The following DOCK3 variants were observed in gnomAD, a reference collection of about 807,000 sequenced individuals.
DOCK3 encodes the protein dedicator of cytokinesis 3.
DOCK3 carries 60 observed loss-of-function variants against 265.6 expected under a neutral mutation model. The ratio of observed to expected loss-of-function variants is 0.23; its 90% CI spans 0.18 to 0.28. The LOEUF is 0.28. Among genes scored for constraint, DOCK3 ranks in the 10% least tolerant of loss-of-function variants. The pLI, the probability that DOCK3 is intolerant of heterozygous loss-of-function variation, is 1.00. For missense variants in DOCK3, 1,981 were observed against 2,594.3 expected, an observed-to-expected ratio of 0.76 and a Z score of 5.14; for synonymous variants, 881 against 938.0, an observed-to-expected ratio of 0.94 and a Z score of 1.11.
chr3:50,741,715 A>C (rs1356499028), intron 1 of DOCK3, among the ~76,000 whole-genome samples: 2 of 151,568 alleles, frequency 1.3e-5, no homozygotes, highest in Non-Finnish European at 2.9e-5. Flanking sequence ...TGCTATTGTG[A>C]ATAGTGCCGC....
chr3:50,676,976 A>C (rs1413227894), intron 1 of DOCK3, among the ~76,000 whole-genome samples: 1 of 152,246 alleles, frequency 6.6e-6, no homozygotes, highest in East Asian at 1.9e-4. Flanking sequence ...GAGCCAGTGC[A>C]AGGTAATCAA....
intron 41 of DOCK3, 97 bp from the exon 42 acceptor site, chr3:51,355,992 G>T: frequency 6.7e-7 from 1 of 1,498,832 alleles, no homozygotes; most frequent in South Asian, 1.2e-5. Flanking sequence ...AAGGAGCAGG[G>T]ACTATGGTGC....
Position 51,357,759 on chromosome 3 carries a change from CCTT to C in DOCK3, c.4689_4691del (p.Phe1564del). On this transcript the variant is annotated inframe_deletion and splice_region_variant, in exon 45 of 53. Coordinates refer to ENST00000266037, the MANE Select transcript of DOCK3 (RefSeq NM_004947.5). ...CTGACTTGGCCTTTCCTTTCACAGG[CCTT>C]CTTTGATAAAGATTACATCAACAAG... 1 of 1,614,002 alleles carries C rather than the reference CCTT, an allele frequency of 6.2e-7. No individual in the cohort carries two copies. The highest frequency in any genetic ancestry group is 8.5e-7 in the Non-Finnish European group (1 of 1,179,882).
intron 14 of DOCK3, among the ~76,000 whole-genome samples, chr3:51,223,599 C>T (rs1051081954): frequency 4.6e-5 from 7 of 151,940 alleles, no homozygotes; most frequent in Non-Finnish European, 1.0e-4. Context: ...CTATATCAGT[C>T]TACAAATTTA....
intron 46 of DOCK3, among the ~76,000 whole-genome samples, chr3:51,360,196 C>T (rs911478712): frequency 1.3e-5 from 2 of 152,156 alleles, no homozygotes; most frequent in African/African-American, 4.8e-5. Flanking sequence ...CTACTTATTC[C>T]GTAGCGAGAA....
intron 2 of DOCK3, among the ~76,000 whole-genome samples, chr3:50,828,842 T>C (rs1022096747): frequency 6.6e-6 from 1 of 152,122 alleles, no homozygotes; most frequent in Non-Finnish European, 1.5e-5. Context: ...GCCTCCTGAG[T>C]AGGTGGGATT....
chr3:50,948,605 TTTCTTTTC>T (rs1343721030), intron 5 of DOCK3, among the ~76,000 whole-genome samples: 3 of 151,776 alleles, frequency 2.0e-5, no homozygotes, highest in African/African-American at 7.3e-5. Flanking sequence ...TTCTTTCTCT[TTTCTTTTC>T]TTTTCCTTTT....
Position 50,675,480 on chromosome 3 carries a change from G to A in DOCK3, c.37+180G>A, listed in dbSNP as rs1350540616. 3.3e-5 allele frequency among the ~76,000 whole-genome samples: 5 copies of A among 151,806 alleles called. No homozygotes were observed. The highest frequency in any genetic ancestry group is 4.4e-5 in the Non-Finnish European group (3 of 67,888). On this transcript the variant is annotated intron_variant, in intron 1 of 52. Transcript: ENST00000266037. This position sits in a 1 kb window ranked among gnomAD's most constrained non-coding sequence, Gnocchi z 6.1. Reference sequence around the variant, plus strand: ...CGGGTGCGGGTGCGGGGGTGGGCGCGGGTCTCTGTGCAGAGAGGGCGGCAG... The same window carrying A: ...CGGGTGCGGGTGCGGGGGTGGGCGCAGGTCTCTGTGCAGAGAGGGCGGCAG...
intron 5 of DOCK3, among the ~76,000 whole-genome samples, chr3:51,055,708 G>A (rs1575908310): frequency 1.3e-5 from 2 of 152,276 alleles, no homozygotes; most frequent in South Asian, 2.1e-4. Context: ...CTATCCATCC[G>A]TGAATGGATG....
intron 5 of DOCK3, among the ~76,000 whole-genome samples, chr3:51,001,909 T>C (rs904202219): frequency 1.3e-5 from 2 of 151,854 alleles, no homozygotes; most frequent in Non-Finnish European, 2.9e-5. Flanking sequence ...CATCTTTTCA[T>C]GACTCATTTT....
chr3:50,996,278 C>T (rs1263864974), intron 5 of DOCK3, among the ~76,000 whole-genome samples: 1 of 149,258 alleles, frequency 6.7e-6, no homozygotes, highest in Non-Finnish European at 1.5e-5. Flanking sequence ...AGTGCAGTGG[C>T]GCTATCTCGG....
intron 7 of DOCK3, among the ~76,000 whole-genome samples, chr3:51,078,981 A>G (rs974498240): frequency 8.5e-5 from 13 of 152,210 alleles, no homozygotes; most frequent in South Asian, 2.1e-4. Flanking sequence ...ATAAGAGTCC[A>G]CACATTTATT....
At chr3:51,201,489 G>T (rs1327636413) in intron 12 of DOCK3, among the ~76,000 whole-genome samples, 1 of 152,128 alleles carries the variant, frequency 6.6e-6, no homozygotes, top group Non-Finnish European at 1.5e-5. Context: ...AAATATATAT[G>T]CACCCAATAC....
intron 12 of DOCK3, among the ~76,000 whole-genome samples, chr3:51,172,813 CTG>C (rs2086749022): frequency 6.6e-6 from 1 of 152,014 alleles, no homozygotes; most frequent in Non-Finnish European, 1.5e-5. Flanking sequence ...TGTGTAACTA[CTG>C]GGGGTTTTTC....
chr3:51,180,876 A>C lies in DOCK3; in HGVS notation c.1037+20174A>C, dbSNP rs115397042. On this transcript the variant is annotated intron_variant, in intron 12 of 52. Transcript: ENST00000266037. ...GTGCTCTCTGCAAGGAGGTTAGTCCAAAGGAGGGAAGAGGCAGAACTGAGA... is the reference window on the plus strand; with the variant it reads ...GTGCTCTCTGCAAGGAGGTTAGTCCCAAGGAGGGAAGAGGCAGAACTGAGA... Among the ~76,000 whole-genome samples the C allele has an allele frequency of 3.6e-3, 551 of 152,268 alleles. 2 individuals are homozygous for C. Among genetic ancestry groups the C allele is most frequent in the African/African-American group, 0.012 (512 of 41,554 alleles).
intron 1 of DOCK3, among the ~76,000 whole-genome samples, chr3:50,727,998 G>A (rs1407980418): frequency 1.3e-5 from 2 of 152,088 alleles, no homozygotes; most frequent in African/African-American, 4.8e-5. Flanking sequence ...ATACCCAACA[G>A]AGTACACAGT....
At chr3:50,825,712 A>T (rs921677186) in intron 2 of DOCK3, among the ~76,000 whole-genome samples, 1 of 152,084 alleles carries the variant, frequency 6.6e-6, no homozygotes, top group African/African-American at 2.4e-5. Flanking sequence ...TTCCCCTTTC[A>T]AGTAGGAGAC....
chr3:50,791,328 A>G (rs1238990858), intron 2 of DOCK3, among the ~76,000 whole-genome samples: 1 of 130,562 alleles, frequency 7.7e-6, no homozygotes. Flanking sequence ...CAGTGGTGCC[A>G]TCTCGGCTCA....
chr3:50,778,555 G>A, intron 1 of DOCK3, 120 bp from the exon 2 acceptor site: 1 of 627,110 alleles, frequency 1.6e-6, no homozygotes, highest in South Asian at 2.3e-5. Flanking sequence ...ACTTTAGAAA[G>A]AGGAATTAGT....
Sources: gnomAD v4.1 joint callset for allele counts (sites outside exome capture counted in the v4.1 genomes callset) on GRCh38, gnomAD v4.1.1 for gene constraint, Gnocchi (gnomAD v3.1) non-coding constraint, MANE v1.5 for transcripts, NCBI Gene and HGNC (gene_info 2026-07-23, HGNC 2026-07-21) for gene names.